NR1I2: variants seen among roughly 807,000 people sequenced by gnomAD.
NR1I2 encodes the protein orphan nuclear receptor PAR1.
Under a neutral mutation model 43.3 loss-of-function variants are expected in NR1I2, and 42 were observed. That is an observed-to-expected ratio of 0.97 (90% CI 0.76 to 1.26). The LOEUF is 1.26. Ranked by LOEUF, NR1I2 falls within the 50% of genes most tolerant of loss-of-function variation. The pLI is 0.00. For synonymous variants in NR1I2, 229 were observed against 215.0 expected (o/e 1.06, Z -0.57); for missense variants, 559 against 566.7 (o/e 0.99, Z 0.14).
chr3:119,810,100 C>T lies in NR1I2; in HGVS notation c.237C>T (p.Phe79=). 1 of 1,613,824 alleles carries T rather than the reference C, an allele frequency of 6.2e-7. No individual in the cohort carries two copies. Among genetic ancestry groups the T allele is most frequent in the East Asian group, 2.2e-5 (1 of 44,854 alleles). The stretch of plus-strand genomic sequence containing the variant: ...GCAACGCCCGGCTGAGGTGCCCCTT[C>T]CGGAAGGGCGCCTGCGAGATCACCC... Residue 79 remains phenylalanine, a synonymous_variant, in exon 3 of 9, where the codon TTC becomes TTT. Transcript: ENST00000393716.
intron 1 of NR1I2, among the ~76,000 whole-genome samples, chr3:119,787,394 C>T (rs1156386066): frequency 1.3e-5 from 2 of 152,134 alleles, no homozygotes; most frequent in Admixed American, 6.5e-5. Flanking sequence ...GCCCTGCCCC[C>T]GACTCCCTTA....
intron 1 of NR1I2, among the ~76,000 whole-genome samples, chr3:119,805,333 T>G (rs1003065659): frequency 6.6e-6 from 1 of 152,194 alleles, no homozygotes; most frequent in African/African-American, 2.4e-5. Flanking sequence ...TTGCTCATAT[T>G]TCTTTGAAAT....
rs142010545 is a variant in NR1I2 at position 119,788,701 on chromosome 3, G to A, written c.-23+6401G>A. Among the ~76,000 whole-genome samples the A allele has an allele frequency of 3.1e-3, 468 of 152,312 alleles. 6 individuals carry two copies. Among genetic ancestry groups the A allele is most frequent in the African/African-American group, 0.011 (441 of 41,558 alleles). Reference sequence around the variant, plus strand: ...GATCCTCCTGTTTCAGCTTCCCTAAGTGCTGGGATTACAGGTGTGAGGCAC... The same window carrying A: ...GATCCTCCTGTTTCAGCTTCCCTAAATGCTGGGATTACAGGTGTGAGGCAC... On this transcript the variant is annotated intron_variant, in intron 1 of 8. Coordinates refer to ENST00000393716, the MANE Select transcript of NR1I2 (RefSeq NM_003889.4).
intron 1 of NR1I2, among the ~76,000 whole-genome samples, chr3:119,803,656 G>T (rs571860770): frequency 6.6e-6 from 1 of 152,118 alleles, no homozygotes; most frequent in East Asian, 1.9e-4. Flanking sequence ...TTCCATTTTG[G>T]TATCTGTTCC....
chr3:119,814,830 C>A, intron 5 of NR1I2, 149 bp from the exon 6 acceptor site: 1 of 975,608 alleles, frequency 1.0e-6, no homozygotes, highest in Non-Finnish European at 1.6e-6. Flanking sequence ...TGAGAGGCAG[C>A]CAGACAGCAG....
In NR1I2 at chr3:119,817,391, C is replaced by T; in HGVS notation, c.*179C>T. ...CATTCCTCAGGAAGGACATGGGTGC[C>T]CCCCACCCCCAGTTCAGTCTGTAGG... On this transcript the variant is annotated 3_prime_UTR_variant, in exon 9 of 9. Transcript: ENST00000393716. The T allele has an allele frequency of 6.8e-7, 1 of 1,477,574 alleles. No homozygotes were observed. Among genetic ancestry groups the T allele is most frequent in the South Asian group, 1.3e-5 (1 of 75,326 alleles). 91.5% of individuals were successfully genotyped at this position (1,477,574 alleles called of 1,614,324 possible). A position where few individuals can be genotyped will look rare whatever the true frequency, so the allele number is the denominator to read the frequency against.
intron 1 of NR1I2, among the ~76,000 whole-genome samples, chr3:119,799,516 C>T (rs2055047235): frequency 6.6e-6 from 1 of 152,110 alleles, no homozygotes; most frequent in South Asian, 2.1e-4. Flanking sequence ...AAAGCACAAA[C>T]ATTTTCAATT....
intron 1 of NR1I2, chr3:119,792,517 G>C: frequency 9.4e-7 from 1 of 1,062,066 alleles, no homozygotes; most frequent in Non-Finnish European, 1.4e-6. Context: ...CCAATCTGCC[G>C]GCAGGGCAGT....
chr3:119,802,031 T>A (rs962349391), intron 1 of NR1I2, among the ~76,000 whole-genome samples: 15 of 152,176 alleles, frequency 9.9e-5, no homozygotes, highest in African/African-American at 3.6e-4. Context: ...GACCCAGAAT[T>A]GTCTCTTCCC....
intron 1 of NR1I2, among the ~76,000 whole-genome samples, chr3:119,793,217 A>C (rs1204966088): frequency 6.6e-6 from 1 of 152,144 alleles, no homozygotes. Context: ...TAAATTACCC[A>C]GCCTCAGATT....
At chr3:119,797,579 T>C (rs2055018623) in intron 1 of NR1I2, among the ~76,000 whole-genome samples, 1 of 152,036 alleles carries the variant, frequency 6.6e-6, no homozygotes, top group South Asian at 2.1e-4. Flanking sequence ...CAATTCTATA[T>C]ATATACATAT....
intron 1 of NR1I2, among the ~76,000 whole-genome samples, chr3:119,797,982 A>AT (rs955664997): frequency 2.4e-4 from 36 of 150,362 alleles, no homozygotes; most frequent in African/African-American, 3.2e-4. Context: ...TTTGTGGTTA[A>AT]TTTTTTTTTT....
chr3:119,786,665 C>T (rs2054847206), intron 1 of NR1I2, among the ~76,000 whole-genome samples: 1 of 152,292 alleles, frequency 6.6e-6, no homozygotes, highest in African/African-American at 2.4e-5. Context: ...CAGCTCTCAA[C>T]CCTGATCTGT....
chr3:119,813,014 G>A, intron 5 of NR1I2, 54 bp downstream of exon 5: 1 of 1,584,210 alleles, frequency 6.3e-7, no homozygotes, highest in Non-Finnish European at 8.6e-7. Context: ...AAGTGGCCAG[G>A]AGGTTCAAAG....
intron 1 of NR1I2, among the ~76,000 whole-genome samples, chr3:119,803,960 G>A (rs190748086): frequency 1.7e-4 from 26 of 152,050 alleles, no homozygotes; most frequent in East Asian, 7.8e-4. Flanking sequence ...GTTTCTCCAC[G>A]TTGGCCAGGC....
Position 119,792,317 on chromosome 3 carries a change from T to G in NR1I2, c.-23+10017T>G, listed in dbSNP as rs768277381. The G allele has an allele frequency of 1.0e-4, 150 of 1,435,738 alleles. No homozygotes were observed. In the Middle Eastern group the frequency reaches 1.1e-3, roughly 11 times the overall value. The allele number at this position is 1,435,738 out of a possible 1,614,324, so 88.9% of individuals were successfully genotyped here. A position where few individuals can be genotyped will look rare whatever the true frequency, so the allele number is the denominator to read the frequency against. Reference sequence around the variant, plus strand: ...CAGCCACCTTTGGGCTCATCCTGGATGATGTGTCTTTGACACATCTGACCT... The same window carrying G: ...CAGCCACCTTTGGGCTCATCCTGGAGGATGTGTCTTTGACACATCTGACCT... On this transcript the variant is annotated intron_variant, in intron 1 of 8. Transcript: ENST00000393716.
At chr3:119,789,933 A>G (rs2054893776) in intron 1 of NR1I2, among the ~76,000 whole-genome samples, 1 of 152,190 alleles carries the variant, frequency 6.6e-6, no homozygotes, top group African/African-American at 2.4e-5. Flanking sequence ...AAAATTAATT[A>G]GTTCTGGTAA....
chr3:119,792,716 A>C (rs2054938283), intron 1 of NR1I2, among the ~76,000 whole-genome samples: 1 of 151,676 alleles, frequency 6.6e-6, no homozygotes, highest in Non-Finnish European at 1.5e-5. Flanking sequence ...TCAAAAAAGA[A>C]AAAAAAAATT....
chr3:119,805,462 G>A (rs1054635224), intron 1 of NR1I2, among the ~76,000 whole-genome samples: 3 of 152,050 alleles, frequency 2.0e-5, no homozygotes, highest in South Asian at 4.1e-4. Flanking sequence ...AGGCTGAGGC[G>A]GAGGCTGAGG....
Sources: gnomAD v4.1 joint callset for allele counts (sites outside exome capture counted in the v4.1 genomes callset) on GRCh38, gnomAD v4.1.1 for gene constraint, MANE v1.5 for transcripts, NCBI Gene and HGNC (gene_info 2026-07-23, HGNC 2026-07-21) for gene names.